The following EIF2B3 variants were observed in gnomAD, a reference collection of about 807,000 sequenced individuals.
EIF2B3 encodes the protein eukaryotic translation initiation factor 2B subunit gamma, also known as translation initiation factor eIF2B subunit gamma.
A neutral mutation model predicts 54.1 loss-of-function variants in EIF2B3; 20 were observed. The observed-to-expected ratio is 0.37, with a 90% CI of 0.26 to 0.54. The LOEUF (loss-of-function observed/expected upper bound fraction) is 0.54, where lower values mean the gene tolerates loss of function less well. Among genes scored for constraint, EIF2B3 ranks in the 20% least tolerant of loss-of-function variants. The pLI, the probability that EIF2B3 is intolerant of heterozygous loss-of-function variation, is 0.86. For missense variants in EIF2B3, 448 were observed against 547.8 expected (o/e 0.82, Z 1.82); for synonymous variants, 153 against 188.1 (o/e 0.81, Z 1.52).
At chr1:44,937,408 T>C (rs1301337892) in intron 4 of EIF2B3, 2 of 152,052 alleles carry the variant, frequency 1.3e-5, no homozygotes, top group African/African-American at 2.4e-5. Flanking sequence ...TATAGTCCAG[T>C]AGGGGAAAGA....
intron 3 of EIF2B3, among the ~76,000 whole-genome samples, chr1:44,966,211 A>G (rs640743): frequency 0.19 from 28,504 of 151,778 alleles, 2,829 homozygotes; most frequent in African/African-American, 0.23. Flanking sequence ...AGGCTGAGGA[A>G]GGAGGATCAC....
chr1:44,956,677 T>C (rs1644229681), intron 3 of EIF2B3, among the ~76,000 whole-genome samples: 1 of 152,186 alleles, frequency 6.6e-6, no homozygotes, highest in Admixed American at 6.5e-5. Context: ...CTTGGGAATT[T>C]AGTATATGAT....
intron 4 of EIF2B3, among the ~76,000 whole-genome samples, chr1:44,938,262 T>C (rs1263444946): frequency 1.3e-5 from 2 of 152,160 alleles, no homozygotes; most frequent in African/African-American, 4.8e-5. Context: ...TAGCATTCTA[T>C]GGGAGGAATT....
chr1:44,890,487 G>A (rs572793817), intron 6 of EIF2B3, among the ~76,000 whole-genome samples: 3 of 152,164 alleles, frequency 2.0e-5, no homozygotes, highest in African/African-American at 4.8e-5. Context: ...TTTAGTTCAC[G>A]TAACTTTAGT....
intron 2 of EIF2B3, among the ~76,000 whole-genome samples, chr1:44,978,669 C>T (rs910684124): frequency 8.0e-6 from 1 of 124,676 alleles, no homozygotes; most frequent in Non-Finnish European, 1.6e-5. Flanking sequence ...CAGGGTCTCA[C>T]TCTGCCACTC....
intron 3 of EIF2B3, among the ~76,000 whole-genome samples, chr1:44,963,545 C>T (rs1644307236): frequency 6.6e-6 from 1 of 152,192 alleles, no homozygotes. Context: ...GCTGGGATTA[C>T]AGGCATGAGC....
At chr1:44,912,858 A>C (rs1176167788) in intron 5 of EIF2B3, among the ~76,000 whole-genome samples, 1 of 152,164 alleles carries the variant, frequency 6.6e-6, no homozygotes, top group East Asian at 1.9e-4. Flanking sequence ...TCAAGGAAAA[A>C]GTCTTCTGCC....
intron 11 of EIF2B3, among the ~76,000 whole-genome samples, chr1:44,857,356 G>A (rs1461052251): frequency 1.3e-5 from 2 of 152,114 alleles, no homozygotes; most frequent in East Asian, 3.9e-4. Flanking sequence ...ATGGAGAAAC[G>A]CCATCTCTAC....
rs1034641091 is a variant in EIF2B3 at position 44,850,662 on chromosome 1, C to T, written c.*289G>A. On this transcript the variant is annotated 3_prime_UTR_variant, in exon 12 of 12. Transcript: ENST00000360403. Reference sequence around the variant, plus strand: ...GAAAGTAGCCTTCCTAGGAGCTTTACATTGGACAGCTGCTGCCCCACCGAT... The same window carrying T: ...GAAAGTAGCCTTCCTAGGAGCTTTATATTGGACAGCTGCTGCCCCACCGAT... 2.0e-6 allele frequency: 1 copy of T among 491,934 alleles called. No individual in the cohort carries two copies. Among genetic ancestry groups the T allele is most frequent in the Admixed American group, 3.5e-5 (1 of 28,920 alleles). 30.5% of individuals were successfully genotyped at this position (491,934 alleles called of 1,614,324 possible). A position where few individuals can be genotyped will look rare whatever the true frequency, so the allele number is the denominator to read the frequency against.
intron 6 of EIF2B3, among the ~76,000 whole-genome samples, chr1:44,885,752 ATT>A (rs879823312): frequency 1.4e-5 from 2 of 146,678 alleles, no homozygotes. Flanking sequence ...ACTGTAAAGA[ATT>A]TTTTTTTTTT....
intron 7 of EIF2B3, 44 bp from the exon 8 acceptor site, chr1:44,880,052 T>A: frequency 7.1e-5 from 98 of 1,374,952 alleles, no homozygotes; most frequent in Non-Finnish European, 9.0e-5. Context: ...GAGAGAGAGA[T>A]AACAGAACAG....
intron 3 of EIF2B3, among the ~76,000 whole-genome samples, chr1:44,954,193 T>C (rs1410024005): frequency 6.6e-6 from 1 of 152,166 alleles, no homozygotes; most frequent in African/African-American, 2.4e-5. Flanking sequence ...GGAGATGAAT[T>C]ACGAAATCAA....
intron 11 of EIF2B3, among the ~76,000 whole-genome samples, chr1:44,855,855 C>G (rs1224275551): frequency 6.6e-6 from 1 of 152,176 alleles, no homozygotes; most frequent in Admixed American, 6.6e-5. Context: ...TCATGCCCAG[C>G]TGACCTTGAG....
intron 6 of EIF2B3, among the ~76,000 whole-genome samples, chr1:44,891,940 T>C (rs1655812038): frequency 6.6e-6 from 1 of 152,202 alleles, no homozygotes; most frequent in Admixed American, 6.5e-5. Context: ...CATCTTGCTA[T>C]GTTGCCTAGG....
intron 2 of EIF2B3, among the ~76,000 whole-genome samples, chr1:44,980,008 C>T (rs1644496859): frequency 6.6e-6 from 1 of 152,028 alleles, no homozygotes; most frequent in African/African-American, 2.4e-5. Flanking sequence ...ATTAAGCTAC[C>T]ACCCTTCCTA....
At chr1:44,934,471 G>GT (rs1042912815) in intron 4 of EIF2B3, among the ~76,000 whole-genome samples, 3 of 151,728 alleles carry the variant, frequency 2.0e-5, no homozygotes, top group Non-Finnish European at 4.4e-5. Flanking sequence ...TTTTTATTTT[G>GT]TTTTTTAAAT....
chr1:44,866,880 A>T (rs1013881346), intron 10 of EIF2B3, among the ~76,000 whole-genome samples: 1 of 152,230 alleles, frequency 6.6e-6, no homozygotes, highest in Non-Finnish European at 1.5e-5. Context: ...AGAAAGCTGC[A>T]TGGAAGAGTT....
chr1:44,949,084 G>A (rs1184516710), intron 3 of EIF2B3, among the ~76,000 whole-genome samples: 2 of 152,132 alleles, frequency 1.3e-5, no homozygotes, highest in East Asian at 3.8e-4. Context: ...GGCCAGGCTA[G>A]TTCTCAAACT....
At chr1:44,984,831 G>A (rs995324711) in intron 1 of EIF2B3, among the ~76,000 whole-genome samples, 2 of 79,594 alleles carry the variant, frequency 2.5e-5, no homozygotes, top group Non-Finnish European at 4.5e-5. Flanking sequence ...ACGGAGTCTC[G>A]CTCTGTCGCC....
Sources: gnomAD v4.1 joint callset for allele counts (sites outside exome capture counted in the v4.1 genomes callset) on GRCh38, gnomAD v4.1.1 for gene constraint, MANE v1.5 for transcripts, NCBI Gene and HGNC (gene_info 2026-07-23, HGNC 2026-07-21) for gene names.